Variants in EEPD1 observed in about 807,000 individuals in gnomAD.
The protein encoded by EEPD1 is endonuclease/exonuclease/phosphatase family domain containing 1.
Under a neutral mutation model 46.3 loss-of-function variants are expected in EEPD1, and 17 were observed. That is an observed-to-expected ratio of 0.37 (90% CI 0.25 to 0.55). EEPD1 has a LOEUF of 0.55. Ranked by LOEUF, EEPD1 falls within the 20% of genes least tolerant of loss-of-function variation. EEPD1 has a pLI of 0.83. For missense variants in EEPD1, 673 were observed against 745.6 expected, an observed-to-expected ratio of 0.90 and a Z score of 1.13; for synonymous variants, 313 against 315.6, an observed-to-expected ratio of 0.99 and a Z score of 0.09.
intron 2 of EEPD1, among the ~76,000 whole-genome samples, chr7:36,168,062 A>G (rs114629289): frequency 0.015 from 2,280 of 152,050 alleles, 53 homozygotes; most frequent in African/African-American, 0.053. Flanking sequence ...ATCAGCATGT[A>G]TTTCCCCTGC....
At chr7:36,169,937 G>A (rs1785047237) in intron 2 of EEPD1, among the ~76,000 whole-genome samples, 1 of 152,208 alleles carries the variant, frequency 6.6e-6, no homozygotes, top group African/African-American at 2.4e-5. Context: ...TGGATAGTAT[G>A]CCAGGTGAGC....
chr7:36,181,486 C>A (rs1169551057), intron 2 of EEPD1, among the ~76,000 whole-genome samples: 1 of 152,202 alleles, frequency 6.6e-6, no homozygotes. Flanking sequence ...CACAGCCTGA[C>A]ACCTAGGAGG....
At chr7:36,181,719 A>G (rs985170778) in intron 2 of EEPD1, among the ~76,000 whole-genome samples, 1 of 151,874 alleles carries the variant, frequency 6.6e-6, no homozygotes, top group Non-Finnish European at 1.5e-5. Context: ...TGCTTCCAAG[A>G]CCTCAGCATC....
At chr7:36,274,309 C>T (rs890404616) in intron 3 of EEPD1, among the ~76,000 whole-genome samples, 2 of 151,906 alleles carry the variant, frequency 1.3e-5, no homozygotes, top group Non-Finnish European at 3.0e-5. Context: ...AGGGCATGTA[C>T]AAGCCACTAA....
intron 2 of EEPD1, among the ~76,000 whole-genome samples, chr7:36,218,372 G>A (rs910029900): frequency 2.7e-5 from 4 of 146,094 alleles, no homozygotes; most frequent in Non-Finnish European, 6.0e-5. Context: ...AATTCTAATA[G>A]GAGGGGGAGG....
At chr7:36,294,266 G>GA (rs1787489929) in intron 6 of EEPD1, among the ~76,000 whole-genome samples, 1 of 151,940 alleles carries the variant, frequency 6.6e-6, no homozygotes, top group South Asian at 2.1e-4. Flanking sequence ...CATTTTAAAT[G>GA]AAAGAATATT....
At chr7:36,159,349 A>G (rs1413457393) in intron 2 of EEPD1, among the ~76,000 whole-genome samples, 2 of 152,324 alleles carry the variant, frequency 1.3e-5, no homozygotes, top group South Asian at 4.1e-4. Context: ...CATATGAACA[A>G]TAGGCTCACC....
At chr7:36,213,432 G>A (rs1231864481) in intron 2 of EEPD1, among the ~76,000 whole-genome samples, 1 of 152,222 alleles carries the variant, frequency 6.6e-6, no homozygotes, top group Non-Finnish European at 1.5e-5. Flanking sequence ...GCGAGGCACT[G>A]TAGTTAGAGG....
intron 6 of EEPD1, among the ~76,000 whole-genome samples, chr7:36,294,780 C>G (rs760014174): frequency 2.6e-5 from 4 of 152,094 alleles, no homozygotes; most frequent in Non-Finnish European, 5.9e-5. Context: ...CACTAATACC[C>G]TGTACAAATA....
At position 36,191,774 on chromosome 7, in the gene EEPD1, G is replaced by A. The variant is rs191742593; in HGVS notation, c.878+36572G>A. On this transcript the variant is annotated intron_variant, in intron 2 of 7. Transcript: ENST00000242108. The stretch of plus-strand genomic sequence containing the variant: ...AGACTTATGCCCTGACCATTCCAGC[G>A]GGCAGCACTTGCTGTCTGATCGGAC... 1.4e-4 allele frequency among the ~76,000 whole-genome samples: 22 copies of A among 152,296 alleles called. 1 individual carries two copies. The South Asian group carries it at 2.1e-3, about 14-fold the overall frequency.
chr7:36,235,883 C>T (rs1406223633), intron 2 of EEPD1, among the ~76,000 whole-genome samples: 2 of 151,070 alleles, frequency 1.3e-5, no homozygotes, highest in African/African-American at 4.9e-5. Flanking sequence ...AGTACACTTA[C>T]GTTGTTGTAT....
At chr7:36,283,646 C>T (rs1787295965) in intron 4 of EEPD1, among the ~76,000 whole-genome samples, 1 of 152,168 alleles carries the variant, frequency 6.6e-6, no homozygotes, top group South Asian at 2.1e-4. Flanking sequence ...GCACACTCTC[C>T]AGGGGGTGGG....
At position 36,247,959 on chromosome 7, in the gene EEPD1, TG is replaced by T. The variant is rs539732292; in HGVS notation, c.930+8928del. The stretch of plus-strand genomic sequence containing the variant: ...AGCAGGAGAGGCAGAGAATGTGGGA[TG>T]GGGGATAGAGGACGCAGAAGGAGGT... On this transcript the variant is annotated intron_variant, in intron 3 of 7. Transcript: ENST00000242108. Among the ~76,000 whole-genome samples, 7 of 152,082 alleles carry T rather than the reference TG, an allele frequency of 4.6e-5. No individual in the cohort carries two copies. In the South Asian group the frequency reaches 8.3e-4, roughly 18 times the overall value.
chr7:36,164,569 T>C (rs1291560930), intron 2 of EEPD1, among the ~76,000 whole-genome samples: 1 of 152,258 alleles, frequency 6.6e-6, no homozygotes, highest in Non-Finnish European at 1.5e-5. Context: ...TTATTTAAGC[T>C]AAATTCAGTG....
intron 6 of EEPD1, among the ~76,000 whole-genome samples, chr7:36,295,023 C>T (rs777418377): frequency 2.0e-5 from 3 of 151,906 alleles, no homozygotes; most frequent in Non-Finnish European, 4.4e-5. Context: ...ACTAAAAATA[C>T]AAAGATTAGC....
At position 36,154,161 on chromosome 7, in the gene EEPD1, C is replaced by T. The variant is rs888364512; in HGVS notation, c.-164C>T. On this transcript the variant is annotated 5_prime_UTR_variant, in exon 2 of 8. In the 5' UTR this introduces an upstream ATG that the reference lacks. Coordinates refer to ENST00000242108, the MANE Select transcript of EEPD1 (RefSeq NM_030636.3). The surrounding 1 kb of genome is among the most constrained non-coding windows in gnomAD (Gnocchi z 4.2). The stretch of plus-strand genomic sequence containing the variant: ...GCCAAGTGAAAGGTAATTTTGGACA[C>T]GCCAGGCATGGAAGATTCGGTGTTT... 73 of 825,220 alleles carry T rather than the reference C, an allele frequency of 8.8e-5. 2 individuals carry two copies. The South Asian group carries it at 1.1e-3, about 13-fold the overall frequency. The allele number at this position is 825,220 out of a possible 1,614,324, so 51.1% of individuals were successfully genotyped here.
At chr7:36,292,429 TTCTC>T (rs760252419) in intron 6 of EEPD1, among the ~76,000 whole-genome samples, 1 of 151,638 alleles carries the variant, frequency 6.6e-6, no homozygotes, top group African/African-American at 2.4e-5. Context: ...CTCTTTTTCT[TTCTC>T]TCTCTCTGTC....
chr7:36,297,135 G>A lies in EEPD1; in HGVS notation c.1458G>A (p.Ser486=), dbSNP rs752697832. 7.4e-6 allele frequency: 12 copies of A among 1,614,044 alleles called. No homozygotes were observed. The highest frequency in any genetic ancestry group is 2.2e-5 in the South Asian group (2 of 91,074). The change falls in exon 7 of 8, where the codon TCG becomes TCA. Residue 486 remains serine (S), a synonymous_variant. Coordinates refer to ENST00000242108, the MANE Select transcript of EEPD1 (RefSeq NM_030636.3). ...TNISTKNPQG[S]KSLDNIWISK... is the part of the protein sequence containing the mutation. ...TCAGCACCAAGAACCCTCAAGGCTC[G>A]AAGTCTCTGGACAACATCTGGATCA...
chr7:36,274,580 C>T (rs1024792413), intron 3 of EEPD1, among the ~76,000 whole-genome samples: 5 of 152,122 alleles, frequency 3.3e-5, no homozygotes, highest in East Asian at 3.8e-4. Flanking sequence ...CTGGGGTACA[C>T]GTGCAGGATG....
Sources: gnomAD v4.1 joint callset for allele counts (sites outside exome capture counted in the v4.1 genomes callset) on GRCh38, gnomAD v4.1.1 for gene constraint, Gnocchi (gnomAD v3.1) non-coding constraint, MANE v1.5 for transcripts, NCBI Gene and HGNC (gene_info 2026-07-23, HGNC 2026-07-21) for gene names.